FRMPD4: variants seen among roughly 807,000 people sequenced by gnomAD.
FRMPD4 encodes the protein FERM and PDZ domain containing 4, also known as FERM and PDZ domain-containing protein 4.
Under a neutral mutation model 94.1 loss-of-function variants are expected in FRMPD4, and 22 were observed. The observed-to-expected ratio is 0.23, with a 90% CI of 0.17 to 0.33. The LOEUF is 0.33. Ranked by LOEUF, FRMPD4 falls within the 10% of genes least tolerant of loss-of-function variation. The pLI is 1.00. For synonymous variants in FRMPD4, 631 were observed against 548.6 expected (o/e 1.15, Z -2.10); for missense variants, 1,111 against 1,339.9 (o/e 0.83, Z 2.67).
rs762529298 is a variant in FRMPD4 at position 11,871,991 on chromosome X, G to A, written c.-29-5904G>A. ...GCACAATGCCTAACTCATTTTTGGTGATCAGTAAACATTGAATGAATGATA... is the reference window on the plus strand; with the variant it reads ...GCACAATGCCTAACTCATTTTTGGTAATCAGTAAACATTGAATGAATGATA... On this transcript the variant is annotated intron_variant, in intron 2 of 18. Coordinates refer to the FRMPD4 transcript ENST00000640291. 3.6e-5 allele frequency among the ~76,000 whole-genome samples: 4 copies of A among 111,951 alleles called. No homozygotes were observed. In the South Asian group the frequency reaches 1.5e-3, roughly 42 times the overall value.
chrX:12,043,703 C>G (rs1357880407), intron 3 of FRMPD4, among the ~76,000 whole-genome samples: 2 of 111,867 alleles, frequency 1.8e-5, no homozygotes, highest in Non-Finnish European at 3.8e-5. Flanking sequence ...ATTTAAAGGA[C>G]TACATTTTAG....
In FRMPD4 at chrX:12,565,947, A is replaced by G. The variant is rs1426900708; in HGVS notation, c.159-43774A>G. ...TGAAGCTTTAACTCATTTGTTCTAA[A>G]GCACAATTTTCTTCATCATATTAGT... On this transcript the variant is annotated intron_variant, in intron 2 of 16. Coordinates refer to ENST00000675598, the MANE Select transcript of FRMPD4 (RefSeq NM_001368397.1). 2.7e-5 allele frequency among the ~76,000 whole-genome samples: 3 copies of G among 112,115 alleles called. No homozygotes were observed. The Admixed American group carries it at 2.8e-4, about 11-fold the overall frequency.
intron 1 of FRMPD4, among the ~76,000 whole-genome samples, chrX:12,355,420 T>A (rs1254575481): frequency 8.9e-6 from 1 of 111,887 alleles, no homozygotes; most frequent in Non-Finnish European, 1.9e-5. Flanking sequence ...GCTCAAGCAA[T>A]CCTCCTGCCT....
chrX:12,625,719 T>C lies in FRMPD4; in HGVS notation c.422+10838T>C, dbSNP rs777326647. Among the ~76,000 whole-genome samples the C allele has an allele frequency of 1.3e-3, 143 of 111,570 alleles. 1 individual carries two copies. Among genetic ancestry groups the C allele is most frequent in the African/African-American group, 4.4e-3 (134 of 30,752 alleles). On this transcript the variant is annotated intron_variant, in intron 4 of 16. Coordinates refer to ENST00000675598, the MANE Select transcript of FRMPD4 (RefSeq NM_001368397.1). ...GATGAATAAATAAGACCTAGTGTTT[T>C]ATAGATCAGCAGAATGACTACAGTT...
intron 1 of FRMPD4, among the ~76,000 whole-genome samples, chrX:12,475,734 T>C (rs1334484899): frequency 4.5e-5 from 5 of 111,525 alleles, no homozygotes; most frequent in African/African-American, 1.3e-4. Flanking sequence ...GAGAACAAAA[T>C]ACCTAGGAAT....
At chrX:12,550,430 C>T (rs1350607860) in intron 2 of FRMPD4, among the ~76,000 whole-genome samples, 1 of 110,616 alleles carries the variant, frequency 9.0e-6, no homozygotes, top group African/African-American at 3.3e-5. Flanking sequence ...GAGTAAAACT[C>T]TTCTGAATAT....
intron 3 of FRMPD4, among the ~76,000 whole-genome samples, chrX:12,116,455 G>A (rs914580408): frequency 8.9e-6 from 1 of 112,304 alleles, no homozygotes; most frequent in Non-Finnish European, 1.9e-5. Context: ...GTGTGTGGCC[G>A]AGACCACATG....
At chrX:12,715,887 A>G (rs1410313663) in intron 14 of FRMPD4, among the ~76,000 whole-genome samples, 182 bp from the exon 15 acceptor site, 1 of 111,995 alleles carries the variant, frequency 8.9e-6, no homozygotes. Flanking sequence ...CTCCTAACCC[A>G]AGGAATTCTT....
chrX:12,201,528 C>T (rs12837874), intron 1 of FRMPD4, among the ~76,000 whole-genome samples: 14,451 of 111,498 alleles, frequency 0.13, 834 homozygotes, highest in South Asian at 0.27. Context: ...TAAATTATTT[C>T]CACTTATAAG....
chrX:12,636,880 T>C (rs757707325), intron 4 of FRMPD4, among the ~76,000 whole-genome samples: 1 of 112,185 alleles, frequency 8.9e-6, no homozygotes, highest in South Asian at 3.7e-4. Context: ...TATCAAGTCC[T>C]CTCAACATAA....
intron 4 of FRMPD4, among the ~76,000 whole-genome samples, chrX:12,627,233 G>A (rs1602230078): frequency 1.8e-5 from 2 of 112,056 alleles, no homozygotes; most frequent in African/African-American, 6.5e-5. Flanking sequence ...CCGAGATCAC[G>A]CCATTGCACT....
chrX:12,421,628 G>A (rs1368067869), intron 1 of FRMPD4, among the ~76,000 whole-genome samples: 2 of 109,645 alleles, frequency 1.8e-5, no homozygotes, highest in African/African-American at 6.6e-5. Flanking sequence ...GCATGGTGGT[G>A]TGTGCCTGTG....
At chrX:12,018,036 A>AGAG (rs2054612932) in intron 3 of FRMPD4, among the ~76,000 whole-genome samples, 1 of 111,550 alleles carries the variant, frequency 9.0e-6, no homozygotes, top group Non-Finnish European at 1.9e-5. Flanking sequence ...TAAGATAATG[A>AGAG]GAGCAATTTT....
intron 1 of FRMPD4, among the ~76,000 whole-genome samples, chrX:12,295,658 AG>A (rs1204435523): frequency 8.9e-6 from 1 of 112,225 alleles, no homozygotes; most frequent in Non-Finnish European, 1.9e-5. Flanking sequence ...CTTGCTCTGT[AG>A]GTGTTGACAT....
At chrX:12,289,738 G>A (rs73496837) in intron 1 of FRMPD4, among the ~76,000 whole-genome samples, 113 of 111,484 alleles carry the variant, frequency 1.0e-3, no homozygotes, top group African/African-American at 3.4e-3. Context: ...ATATTGATGC[G>A]GAAGAGAAGA....
chrX:12,609,486 G>A (rs967706953), intron 2 of FRMPD4, among the ~76,000 whole-genome samples: 23 of 111,622 alleles, frequency 2.1e-4, no homozygotes, highest in Admixed American at 1.9e-3. Flanking sequence ...GGTGAGGCTG[G>A]GCCATATGCA....
At position 12,721,397 on chromosome X, in the gene FRMPD4, CA is replaced by C; in HGVS notation, c.4832del (p.Asn1611MetfsTer62). ...YAMPDGFLAA[Q>X]NDANELLCLV... ...AATGCCTGATGGGTTCCTTGCAGCCCAAAATGATGCCAATGAGCTGCTCTGT... is the reference window on the plus strand; with the variant it reads ...AATGCCTGATGGGTTCCTTGCAGCCCAAATGATGCCAATGAGCTGCTCTGT... On this transcript the variant is annotated frameshift_variant, in exon 17 of 17. Transcript: ENST00000675598. LOFTEE classifies it high-confidence loss of function. The C allele has an allele frequency of 1.3e-6, 1 of 754,850 alleles. No individual in the cohort carries two copies. Among genetic ancestry groups the C allele is most frequent in the African/African-American group, 2.3e-5 (1 of 43,682 alleles). 62.2% of individuals were successfully genotyped at this position (754,850 alleles called of 1,213,427 possible). A position where few individuals can be genotyped will look rare whatever the true frequency, so the allele number is the denominator to read the frequency against.
intron 3 of FRMPD4, among the ~76,000 whole-genome samples, chrX:11,949,290 T>G (rs1288634874): frequency 8.9e-6 from 1 of 112,332 alleles, no homozygotes; most frequent in Non-Finnish European, 1.9e-5. Flanking sequence ...ATGAACTGAC[T>G]GGTTCATGTA....
intron 2 of FRMPD4, among the ~76,000 whole-genome samples, chrX:12,532,566 G>A (rs1160037867): frequency 8.9e-6 from 1 of 112,080 alleles, no homozygotes; most frequent in Admixed American, 9.5e-5. Context: ...TCACATTAAA[G>A]TTTGTGTAGA....
Sources: allele counts gnomAD v4.1 joint callset (sites outside exome capture counted in the v4.1 genomes callset), GRCh38; gene constraint gnomAD v4.1.1; transcripts MANE v1.5; gene names NCBI Gene and HGNC (gene_info 2026-07-23, HGNC 2026-07-21).